CPNE4: variants seen among roughly 807,000 people sequenced by gnomAD.
The protein encoded by CPNE4 is copine 4.
CPNE4 carries 25 observed loss-of-function variants against 67.9 expected under a neutral mutation model. The ratio of observed to expected loss-of-function variants is 0.37; its 90% CI spans 0.27 to 0.51. CPNE4 has a LOEUF of 0.51. Among genes scored for constraint, CPNE4 ranks in the 20% least tolerant of loss-of-function variants. The probability of loss-of-function intolerance (pLI) is 0.93; values close to 1 mark genes in which losing one functional copy is unlikely to be tolerated. For missense variants in CPNE4, 464 were observed against 690.8 expected (o/e 0.67, Z 3.68); for synonymous variants, 242 against 244.9 (o/e 0.99, Z 0.11).
At chr3:131,720,860 G>A (rs943586853) in intron 3 of CPNE4, among the ~76,000 whole-genome samples, 3 of 152,084 alleles carry the variant, frequency 2.0e-5, no homozygotes, top group African/African-American at 7.2e-5. Flanking sequence ...AAAACCAAAT[G>A]AAGATGCTCT....
At chr3:131,578,604 C>G (rs1937613172) in intron 9 of CPNE4, among the ~76,000 whole-genome samples, 1 of 152,158 alleles carries the variant, frequency 6.6e-6, no homozygotes, top group Admixed American at 6.6e-5. Flanking sequence ...TTGCACCAAA[C>G]AGCCAAGTTG....
At chr3:131,732,267 G>T (rs1055807671) in intron 2 of CPNE4, among the ~76,000 whole-genome samples, 1 of 152,142 alleles carries the variant, frequency 6.6e-6, no homozygotes. Context: ...TCGTATTATG[G>T]GCAAAGTTGG....
intron 2 of CPNE4, among the ~76,000 whole-genome samples, chr3:131,829,350 T>C (rs930376754): frequency 1.3e-5 from 2 of 152,194 alleles, no homozygotes; most frequent in African/African-American, 4.8e-5. Context: ...ATATAGAATA[T>C]CTTTGTTTTC....
At chr3:131,582,817 A>G (rs1433166621) in intron 8 of CPNE4, among the ~76,000 whole-genome samples, 1 of 151,772 alleles carries the variant, frequency 6.6e-6, no homozygotes, top group Non-Finnish European at 1.5e-5. Flanking sequence ...TATCCTGGCC[A>G]TCCTGGCTGC....
intron 7 of CPNE4, among the ~76,000 whole-genome samples, chr3:131,655,599 T>C (rs930847583): frequency 3.9e-5 from 6 of 151,992 alleles, no homozygotes; most frequent in Admixed American, 3.3e-4. Context: ...TGCCGTGTGG[T>C]CAACATAATG....
At chr3:131,748,233 A>T (rs2082540442) in intron 2 of CPNE4, among the ~76,000 whole-genome samples, 1 of 152,020 alleles carries the variant, frequency 6.6e-6, no homozygotes, top group Non-Finnish European at 1.5e-5. Flanking sequence ...TAATAGATTG[A>T]TTGGTTTTCA....
intron 15 of CPNE4, among the ~76,000 whole-genome samples, chr3:131,539,752 A>T (rs781225265): frequency 3.2e-4 from 49 of 152,152 alleles, no homozygotes; most frequent in Middle Eastern, 3.2e-3. Flanking sequence ...GAAGTTAATG[A>T]ATCTCCTAGA....
At chr3:131,810,911 T>C (rs1302098062) in intron 2 of CPNE4, among the ~76,000 whole-genome samples, 1 of 152,104 alleles carries the variant, frequency 6.6e-6, no homozygotes, top group East Asian at 1.9e-4. Context: ...AATAGCATTA[T>C]GCTGGGTGAA....
chr3:131,978,088 A>T (rs201472474), intron 1 of CPNE4, among the ~76,000 whole-genome samples: 161 of 26,310 alleles, frequency 6.1e-3, no homozygotes, highest in East Asian at 0.021. Context: ...AATATATATA[A>T]ATATATATAT....
chr3:131,856,516 A>C (rs1363446200), intron 2 of CPNE4, among the ~76,000 whole-genome samples: 3 of 152,028 alleles, frequency 2.0e-5, no homozygotes, highest in Non-Finnish European at 4.4e-5. Context: ...AGTTGTACAG[A>C]ATATAATGAA....
At chr3:131,655,155 T>C (rs754122725) in intron 7 of CPNE4, among the ~76,000 whole-genome samples, 2 of 152,242 alleles carry the variant, frequency 1.3e-5, no homozygotes, top group Non-Finnish European at 2.9e-5. Context: ...TTCTTCTATA[T>C]GAATCATGCT....
At chr3:131,909,989 G>A (rs2088917475) in intron 1 of CPNE4, among the ~76,000 whole-genome samples, 2 of 152,028 alleles carry the variant, frequency 1.3e-5, no homozygotes, top group South Asian at 2.1e-4. Flanking sequence ...GCTGGGAAAT[G>A]GGCATAATCA....
chr3:131,661,257 T>C (rs2080117104), intron 7 of CPNE4, among the ~76,000 whole-genome samples: 1 of 152,152 alleles, frequency 6.6e-6, no homozygotes, highest in South Asian at 2.1e-4. Context: ...AGAGCAGAAA[T>C]TATAGAGCAG....
intron 11 of CPNE4, among the ~76,000 whole-genome samples, chr3:131,560,658 C>T (rs988038809): frequency 2.0e-5 from 3 of 151,932 alleles, no homozygotes; most frequent in Non-Finnish European, 4.4e-5. Context: ...AAAAATTGTG[C>T]TTCATTAATT....
intron 2 of CPNE4, among the ~76,000 whole-genome samples, chr3:131,879,916 T>A (rs1014180948): frequency 2.0e-4 from 30 of 152,090 alleles, no homozygotes; most frequent in Non-Finnish European, 3.7e-4. Flanking sequence ...TCAAGTAATA[T>A]CTTCTCTATA....
chr3:131,589,881 G>A (rs1047742446), intron 7 of CPNE4, among the ~76,000 whole-genome samples: 1 of 152,182 alleles, frequency 6.6e-6, no homozygotes, highest in African/African-American at 2.4e-5. Flanking sequence ...TTTCTCTGCT[G>A]AAAAAGGTAA....
rs1560321544 is a variant in CPNE4 at position 131,792,644 on chromosome 3, TATGTATATATAC to T, written c.181-69031_181-69020del. On this transcript the variant is annotated intron_variant, in intron 2 of 15. Coordinates refer to ENST00000429747, the MANE Select transcript of CPNE4 (RefSeq NM_130808.3). Reference sequence around the variant, plus strand: ...GTATATATATATACACACGTGTATATATGTATATATACACACGTGTATATATACATATATACA... The same window carrying T: ...GTATATATATATACACACGTGTATATACACGTGTATATATACATATATACA... 4.8e-4 allele frequency among the ~76,000 whole-genome samples: 38 copies of T among 79,054 alleles called. 2 individuals are homozygous for T. Among genetic ancestry groups the T allele is most frequent in the African/African-American group, 9.7e-4 (21 of 21,670 alleles). The allele number at this position is 79,054 out of a possible 152,430, so 51.9% of individuals were successfully genotyped here.
chr3:131,826,911 C>T (rs2107983987), intron 2 of CPNE4, among the ~76,000 whole-genome samples: 1 of 151,834 alleles, frequency 6.6e-6, no homozygotes, highest in East Asian at 1.9e-4. Flanking sequence ...GTGGTGGACA[C>T]CTGTACTGCT....
chr3:131,816,787 C>T (rs1035054172), intron 2 of CPNE4, among the ~76,000 whole-genome samples: 5 of 152,186 alleles, frequency 3.3e-5, no homozygotes, highest in African/African-American at 9.7e-5. Context: ...AATATACCTT[C>T]CTAAATGCCA....
Sources: allele counts gnomAD v4.1 joint callset (sites outside exome capture counted in the v4.1 genomes callset), GRCh38; gene constraint gnomAD v4.1.1; transcripts MANE v1.5; gene names NCBI Gene and HGNC (gene_info 2026-07-23, HGNC 2026-07-21).